Variants in RAB40B observed in about 807,000 individuals in gnomAD.
RAB40B encodes the protein RAB40B, member RAS oncogene family.
In RAB40B, 21 loss-of-function variants were observed where a neutral mutation model predicts 24.0. The observed-to-expected ratio is 0.88, with a 90% confidence interval of 0.62 to 1.26. The LOEUF (loss-of-function observed/expected upper bound fraction) is 1.26. RAB40B is among the 50% of genes most tolerant of loss of function. The probability of loss-of-function intolerance (pLI) is 0.00; values close to 1 mark genes in which losing one functional copy is unlikely to be tolerated. For missense variants in RAB40B, 348 were observed against 390.5 expected, an observed-to-expected ratio of 0.89 and a Z score of 0.92; for synonymous variants, 167 against 169.8, an observed-to-expected ratio of 0.98 and a Z score of 0.13.
chr17:82,673,089 A>G (rs767433307), intron 1 of RAB40B, among the ~76,000 whole-genome samples: 1 of 152,142 alleles, frequency 6.6e-6, no homozygotes, highest in African/African-American at 2.4e-5. Flanking sequence ...CTGTAGTCCC[A>G]GATACTTGGG....
chr17:82,679,399 A>G (rs2046427318), intron 1 of RAB40B, among the ~76,000 whole-genome samples: 1 of 151,468 alleles, frequency 6.6e-6, no homozygotes, highest in South Asian at 2.1e-4. Flanking sequence ...CTCCTGCCTC[A>G]GCCTCCCGAG....
At position 82,692,191 on chromosome 17, in the gene RAB40B, C is replaced by T. The variant is rs1446835459; in HGVS notation, c.142+6264G>A. On this transcript the variant is annotated intron_variant, in intron 1 of 5. Transcript: ENST00000571995. This position sits in a 1 kb window ranked among gnomAD's most constrained non-coding sequence, Gnocchi z 4.0. ...GCAGAGCAGTGGGGCCCGCACGGTC[C>T]GTGGGCTGAGGTGACAGGCAGAGCA... Among the ~76,000 whole-genome samples the T allele has an allele frequency of 1.8e-5, 2 of 113,798 alleles. No homozygotes were observed. The highest frequency in any genetic ancestry group is 7.0e-5 in the African/African-American group (2 of 28,656). 74.7% of individuals were successfully genotyped at this position (113,798 alleles called of 152,430 possible).
Position 82,658,718 on chromosome 17 carries a change from C to T in RAB40B, c.343-5G>A, listed in dbSNP as rs756171149. ...CTTGGGGACTCCGGGGGCATGCTAG[C>T]GGGCAGGAGAAAGGCGAGGAGCATG... On this transcript the variant is annotated splice_polypyrimidine_tract_variant and splice_region_variant and intron_variant, in intron 4 of 5. Coordinates refer to ENST00000571995, the MANE Select transcript of RAB40B (RefSeq NM_006822.3). 1.0e-5 allele frequency: 16 copies of T among 1,604,822 alleles called. No individual in the cohort carries two copies. Among genetic ancestry groups the T allele is most frequent in the South Asian group, 8.8e-5 (8 of 90,772 alleles).
chr17:82,660,243 G>A (rs986234608), intron 3 of RAB40B, among the ~76,000 whole-genome samples: 1 of 151,156 alleles, frequency 6.6e-6, no homozygotes, highest in Admixed American at 6.6e-5. Flanking sequence ...CGCAGTTCAT[G>A]TGTGCACATG....
At chr17:82,694,390 AGT>A (rs1361889709) in intron 1 of RAB40B, among the ~76,000 whole-genome samples, 1 of 151,290 alleles carries the variant, frequency 6.6e-6, no homozygotes, top group Admixed American at 6.6e-5. Context: ...AAATTGGCCC[AGT>A]GTGGTGGCAG....
At chr17:82,686,197 C>T (rs1053096538) in intron 1 of RAB40B, among the ~76,000 whole-genome samples, 15 of 151,694 alleles carry the variant, frequency 9.9e-5, no homozygotes, top group Admixed American at 1.3e-4. Context: ...CTGAAACCTC[C>T]GCTTCCGGGG....
At chr17:82,671,468 C>A (rs2046334255) in intron 1 of RAB40B, among the ~76,000 whole-genome samples, 1 of 137,022 alleles carries the variant, frequency 7.3e-6, no homozygotes, top group Admixed American at 7.1e-5. Flanking sequence ...ACCCCTGTAA[C>A]TCTAACACAC....
At position 82,657,814 on chromosome 17, in the gene RAB40B, G is replaced by A. The variant is rs761021034; in HGVS notation, c.*49C>T. ...GCATCCACCAGCTGCCGGGGGTAAC[G>A]CCGAGCTTCTCCTGGAGAGATTCCG... On this transcript the variant is annotated 3_prime_UTR_variant, in exon 6 of 6. Coordinates refer to ENST00000571995, the MANE Select transcript of RAB40B (RefSeq NM_006822.3). 9.4e-5 allele frequency: 151 copies of A among 1,605,052 alleles called. No individual in the cohort carries two copies. The highest frequency in any genetic ancestry group is 1.1e-4 in the Non-Finnish European group (134 of 1,172,948).
chr17:82,657,917 G>GGGGGGGGGGGGGGGC lies in RAB40B; in HGVS notation c.782_783insGCCCCCCCCCCCCCC (p.Pro263_Gln264insProProProProPro). On this transcript the variant is annotated inframe_insertion, in exon 6 of 6. Transcript: ENST00000571995. ...AGTTTTTGGGGGGGCTCTGGGGGGG[G>GGGGGGGGGGGGGGGC]CGGACGAGCTTCACTTTGCGGAGGC... 9.7e-7 allele frequency: 1 copy of GGGGGGGGGGGGGGGC among 1,026,268 alleles called. No homozygotes were observed. The highest frequency in any genetic ancestry group is 1.5e-6 in the Non-Finnish European group (1 of 685,778). The allele number at this position is 1,026,268 out of a possible 1,614,324, so 63.6% of individuals were successfully genotyped here. A position where few individuals can be genotyped will look rare whatever the true frequency, so the allele number is the denominator to read the frequency against.
At chr17:82,694,166 T>G (rs1486190360) in intron 1 of RAB40B, among the ~76,000 whole-genome samples, 1 of 149,654 alleles carries the variant, frequency 6.7e-6, no homozygotes, top group African/African-American at 2.5e-5. Context: ...AACTAATCAA[T>G]AAGTTAGAAA....
intron 1 of RAB40B, among the ~76,000 whole-genome samples, chr17:82,689,899 G>A (rs1038923991): frequency 4.6e-5 from 7 of 151,424 alleles, no homozygotes; most frequent in East Asian, 3.9e-4. Flanking sequence ...CCCAGGAGGC[G>A]GAGGTTGCAG....
At chr17:82,673,521 CTT>C (rs2046361580) in intron 1 of RAB40B, among the ~76,000 whole-genome samples, 1 of 152,212 alleles carries the variant, frequency 6.6e-6, no homozygotes, top group African/African-American at 2.4e-5. Context: ...GTATCTGAGA[CTT>C]TGCACGTCTG....
In RAB40B at chr17:82,659,263, T is replaced by A. The variant is rs186665579; in HGVS notation, c.342+317A>T. 42 of 366,154 alleles carry A rather than the reference T, an allele frequency of 1.1e-4. No homozygotes were observed. The East Asian group carries it at 2.2e-3, about 20-fold the overall frequency. 22.7% of individuals were successfully genotyped at this position (366,154 alleles called of 1,614,324 possible). A position where few individuals can be genotyped will look rare whatever the true frequency, so the allele number is the denominator to read the frequency against. ...GCGTGCCAGCAGGCACAAGCGCCGG[T>A]CACTGCTGGTCAGCCCAGCCCGACC... On this transcript the variant is annotated intron_variant, in intron 4 of 5. Coordinates refer to ENST00000571995, the MANE Select transcript of RAB40B (RefSeq NM_006822.3).
At chr17:82,687,892 C>T (rs930801927) in intron 1 of RAB40B, among the ~76,000 whole-genome samples, 4 of 152,116 alleles carry the variant, frequency 2.6e-5, no homozygotes, top group African/African-American at 9.7e-5. Flanking sequence ...GGCGGCATAG[C>T]AAGACCCTCT....
At chr17:82,662,400 G>C in intron 2 of RAB40B, 1 of 985,470 alleles carries the variant, frequency 1.0e-6, no homozygotes, top group South Asian at 4.7e-5. Context: ...CGTGCTGTCA[G>C]AGTGCCCCAT....
rs1300744810 is a variant in RAB40B at position 82,655,111 on chromosome 17, C to G, written c.*2752G>C. ...GTAGCACTTTCTGCCGTGAGCGTAA[C>G]TCACTTCCTTGTAGGAGTTTCCTGA... On this transcript the variant is annotated 3_prime_UTR_variant, in exon 6 of 6. Transcript: ENST00000571995. The G allele has an allele frequency of 6.6e-6, 1 of 152,168 alleles. No individual in the cohort carries two copies. The highest frequency in any genetic ancestry group is 1.9e-4 in the East Asian group (1 of 5,202). 9.4% of individuals were successfully genotyped at this position (152,168 alleles called of 1,614,324 possible).
At position 82,667,607 on chromosome 17, in the gene RAB40B, C is replaced by T. The variant is rs1441525839; in HGVS notation, c.143-3051G>A. On this transcript the variant is annotated intron_variant, in intron 1 of 5. Coordinates refer to ENST00000571995, the MANE Select transcript of RAB40B (RefSeq NM_006822.3). This position sits in a 1 kb window ranked among gnomAD's most constrained non-coding sequence, Gnocchi z 4.3. ...CCAGAGACATGGAGTCCAGGCTTCCCGCATCCTCCTCTGTCTCCTGCTAAA... is the reference window on the plus strand; with the variant it reads ...CCAGAGACATGGAGTCCAGGCTTCCTGCATCCTCCTCTGTCTCCTGCTAAA... Among the ~76,000 whole-genome samples the T allele has an allele frequency of 4.6e-5, 7 of 152,284 alleles. No individual in the cohort carries two copies. The highest frequency in any genetic ancestry group is 2.1e-4 in the South Asian group (1 of 4,818).
Position 82,685,235 on chromosome 17 carries a change from C to T in RAB40B, c.142+13220G>A, listed in dbSNP as rs2459708. Among the ~76,000 whole-genome samples the T allele has an allele frequency of 1.1e-4, 14 of 123,988 alleles. No homozygotes were observed. In the East Asian group the frequency reaches 1.3e-3, roughly 12 times the overall value. The allele number at this position is 123,988 out of a possible 152,430, so 81.3% of individuals were successfully genotyped here. A position where few individuals can be genotyped will look rare whatever the true frequency, so the allele number is the denominator to read the frequency against. ...AAGGAATGGGGAGGGGGAGGGAGGA[C>T]GGAGGAGGGAGGGGGAGGGGGAAGT... On this transcript the variant is annotated intron_variant, in intron 1 of 5. Transcript: ENST00000571995.
chr17:82,677,571 C>T (rs758115562), intron 1 of RAB40B, among the ~76,000 whole-genome samples: 94 of 152,334 alleles, frequency 6.2e-4, no homozygotes, highest in Non-Finnish European at 1.1e-3. Flanking sequence ...AGCCCTGACG[C>T]CGCGTCTCTG....
Sources: allele counts gnomAD v4.1 joint callset (sites outside exome capture counted in the v4.1 genomes callset), GRCh38; gene constraint gnomAD v4.1.1; non-coding constraint Gnocchi (gnomAD v3.1); transcripts MANE v1.5; gene names NCBI Gene and HGNC (gene_info 2026-07-23, HGNC 2026-07-21).